The following MEI1 variants were observed in gnomAD, a reference collection of about 807,000 sequenced individuals.
MEI1 encodes the protein meiotic double-stranded break formation protein 1.
Under a neutral mutation model 146.2 loss-of-function variants are expected in MEI1, and 103 were observed. That is an observed-to-expected ratio of 0.70 (90% CI 0.60 to 0.83). The LOEUF (loss-of-function observed/expected upper bound fraction) is 0.83, where lower values mean the gene tolerates loss of function less well. Ranked by LOEUF, MEI1 falls within the 40% of genes least tolerant of loss-of-function variation. The pLI, the probability that MEI1 is intolerant of heterozygous loss-of-function variation, is 0.00. For missense variants in MEI1, 1,529 were observed against 1,533.0 expected (o/e 1.00, Z 0.04); for synonymous variants, 652 against 628.2 (o/e 1.04, Z -0.57).
intron 19 of MEI1, among the ~76,000 whole-genome samples, chr22:41,769,096 G>A (rs901142839): frequency 6.6e-6 from 1 of 151,952 alleles, no homozygotes; most frequent in Admixed American, 6.6e-5. Flanking sequence ...ATATGGAAAT[G>A]CAAAATAGTC....
Position 41,699,657 on chromosome 22 carries a change from C to A in MEI1, c.119C>A (p.Thr40Asn). ...RHDPRWLLPV[T>N]PRLCLACALE... Reference sequence around the variant, plus strand: ...GACCCGCGCTGGCTGCTGCCCGTGACCCCCCGCCTGTGCCTGGCCTGCGCG... The same window carrying A: ...GACCCGCGCTGGCTGCTGCCCGTGAACCCCCGCCTGTGCCTGGCCTGCGCG... Residue 40 changes from threonine (T) to asparagine (N), a missense_variant, in exon 1 of 31, where the codon ACC (threonine) becomes AAC (asparagine). Physicochemically the swap from Thr to Asn is moderately conservative, Grantham distance 65. Coordinates refer to ENST00000401548, the MANE Select transcript of MEI1 (RefSeq NM_152513.4). 1 of 1,589,970 alleles carries A rather than the reference C, an allele frequency of 6.3e-7. No individual in the cohort carries two copies. Among genetic ancestry groups the A allele is most frequent in the Non-Finnish European group, 8.6e-7 (1 of 1,168,338 alleles).
chr22:41,779,002 T>A (rs1216376246), intron 22 of MEI1, 190 bp downstream of exon 22: 1 of 538,334 alleles, frequency 1.9e-6, no homozygotes, highest in Non-Finnish European at 3.3e-6. Flanking sequence ...TCTCTGGGAA[T>A]GTTTGGGAGA....
chr22:41,781,871 G>A (rs760530684), intron 24 of MEI1, 26 bp downstream of exon 24: 2 of 1,611,862 alleles, frequency 1.2e-6, no homozygotes, highest in Admixed American at 1.7e-5. Context: ...CTGTGGCTTT[G>A]AGGCATGGGG....
chr22:41,752,439 C>T (rs2073820932), intron 15 of MEI1, 152 bp from the exon 16 acceptor site: 2 of 672,682 alleles, frequency 3.0e-6, no homozygotes, highest in Non-Finnish European at 2.6e-6. Context: ...AAAAACTTTT[C>T]CGGAGTGAAA....
Position 41,763,316 on chromosome 22 carries a change from C to T in MEI1, c.2263C>T (p.Arg755Cys), listed in dbSNP as rs560803410. The change falls in exon 19 of 31, where the codon CGT becomes TGT. Residue 755 changes from arginine (R) to cysteine (C), a missense_variant. Physicochemically the swap from Arg to Cys is radical, Grantham distance 180. Coordinates refer to ENST00000401548, the MANE Select transcript of MEI1 (RefSeq NM_152513.4). ...CTGCCAGGACAAAGACAATACACTA[C>T]GTGAGGTATGGACCACAATGCCTGG... Reference protein sequence around the residue: ...AICQDKDNTLRETMVSAIRKF... With the variant: ...AICQDKDNTLCETMVSAIRKF... The T allele has an allele frequency of 1.2e-5, 20 of 1,613,798 alleles. No homozygotes were observed. In the East Asian group the frequency reaches 1.6e-4, roughly 13 times the overall value.
chr22:41,718,261 G>A lies in MEI1; in HGVS notation c.720G>A (p.Gln240=). The A allele has an allele frequency of 6.2e-7, 1 of 1,613,918 alleles. No individual in the cohort carries two copies. The highest frequency in any genetic ancestry group is 1.1e-5 in the South Asian group (1 of 91,048). Residue 240 remains glutamine, a synonymous_variant, in exon 6 of 31, where the codon CAG becomes CAA. Transcript: ENST00000401548. ...ATGGTGCCCAGACAAAGGAGCTGCA[G>A]ATTAACTGCTTGGGTAAGACATGAG... is the stretch of plus-strand genomic sequence containing the variant. ...ILDGAQTKEL[Q]INCLGLLRQL...
chr22:41,739,880 A>G (rs2072709372), intron 11 of MEI1, among the ~76,000 whole-genome samples: 1 of 152,190 alleles, frequency 6.6e-6, no homozygotes, highest in African/African-American at 2.4e-5. Context: ...TCGAGAGTAT[A>G]GAGATTGCTC....
At chr22:41,783,246 C>G (rs1030357070) in intron 24 of MEI1, among the ~76,000 whole-genome samples, 3 of 151,972 alleles carry the variant, frequency 2.0e-5, no homozygotes, top group Non-Finnish European at 4.4e-5. Flanking sequence ...ACAGAGAGTT[C>G]CCATATAACA....
chr22:41,706,384 AG>A (rs1170022249), intron 3 of MEI1, among the ~76,000 whole-genome samples: 4 of 152,212 alleles, frequency 2.6e-5, no homozygotes, highest in Non-Finnish European at 4.4e-5. Flanking sequence ...ATACATAGAT[AG>A]ATAAGACATG....
chr22:41,716,520 G>A (rs746954287), intron 5 of MEI1, among the ~76,000 whole-genome samples: 1 of 151,100 alleles, frequency 6.6e-6, no homozygotes, highest in Non-Finnish European at 1.5e-5. Flanking sequence ...GGGATTACAG[G>A]CATGTGCCAC....
chr22:41,776,247 A>T lies in MEI1; in HGVS notation c.2690A>T (p.His897Leu). 1 of 1,613,744 alleles carries T rather than the reference A, an allele frequency of 6.2e-7. No homozygotes were observed. The highest frequency in any genetic ancestry group is 8.5e-7 in the Non-Finnish European group (1 of 1,179,856). The change falls in exon 21 of 31, where the codon CAT becomes CTT. Residue 897 changes from histidine to leucine, a missense_variant. Transcript: ENST00000401548. ...LLILQRLLVE[H>L]GASPSGASGN... ...ATCCTGCAGCGTCTGCTAGTGGAGC[A>T]TGGGGCATCCCCATCAGGAGGTCAG...
rs745804171 is a variant in MEI1, at chr22:41,763,183, A to G, written c.2130A>G (p.Ser710=). 3 of 1,613,890 alleles carry G rather than the reference A, an allele frequency of 1.9e-6. No individual in the cohort carries two copies. Among genetic ancestry groups the G allele is most frequent in the South Asian group, 1.1e-5 (1 of 91,074 alleles). The part of the protein sequence containing the change: ...LAYIHEDRFV[S]EAELFEAVQS... ...TTTTCTTGGTTGACAGGTTTGTCTCAGAGGCAGAGTTATTTGAGGCTGTGC... is the reference window on the plus strand; with the variant it reads ...TTTTCTTGGTTGACAGGTTTGTCTCGGAGGCAGAGTTATTTGAGGCTGTGC... The change falls in exon 19 of 31, where the codon TCA becomes TCG. Residue 710 remains serine, a synonymous_variant. Transcript: ENST00000401548.
chr22:41,723,904 G>A, intron 6 of MEI1, 39 bp from the exon 7 acceptor site: 11 of 1,563,636 alleles, frequency 7.0e-6, no homozygotes, highest in Non-Finnish European at 9.5e-6. Flanking sequence ...TGGTGCCTGT[G>A]TTCCTCTTGC....
intron 19 of MEI1, chr22:41,767,531 CA>C (rs1751484238): frequency 2.2e-6 from 1 of 455,234 alleles, no homozygotes; most frequent in African/African-American, 2.0e-5. Flanking sequence ...ATGGATATTT[CA>C]GAGTGTCAGG....
intron 5 of MEI1, 138 bp from the exon 6 acceptor site, chr22:41,717,933 T>G: frequency 1.4e-6 from 1 of 712,614 alleles, no homozygotes; most frequent in South Asian, 2.2e-5. Context: ...GCCTTTAGAT[T>G]AAGCATGCAG....
intron 7 of MEI1, 142 bp downstream of exon 7, chr22:41,724,215 G>A (rs1292016718): frequency 1.9e-5 from 20 of 1,074,734 alleles, no homozygotes; most frequent in African/African-American, 4.8e-5. Context: ...GGCTGGGGGC[G>A]GTGGCTCATG....
At chr22:41,701,175 G>C (rs1283110163) in intron 1 of MEI1, among the ~76,000 whole-genome samples, 1 of 151,878 alleles carries the variant, frequency 6.6e-6, no homozygotes, top group Non-Finnish European at 1.5e-5. Flanking sequence ...CCAACCTCAG[G>C]TGATCTGCCT....
intron 3 of MEI1, among the ~76,000 whole-genome samples, chr22:41,709,058 A>G (rs1408639864): frequency 3.3e-5 from 5 of 152,352 alleles, no homozygotes; most frequent in African/African-American, 9.6e-5. Flanking sequence ...AAGACATTCT[A>G]TTAGTGACAT....
At chr22:41,763,416 G>A (rs537036132) in intron 19 of MEI1, 95 bp downstream of exon 19, 7 of 1,409,492 alleles carry the variant, frequency 5.0e-6, no homozygotes, top group African/African-American at 1.4e-5. Flanking sequence ...ATAGACAAGC[G>A]GGTGGTAGAG....
Sources: gnomAD v4.1 joint callset for allele counts (sites outside exome capture counted in the v4.1 genomes callset) on GRCh38, gnomAD v4.1.1 for gene constraint, MANE v1.5 for transcripts, NCBI Gene and HGNC (gene_info 2026-07-23, HGNC 2026-07-21) for gene names.